The following PABPC4L variants were observed in gnomAD, a reference collection of about 807,000 sequenced individuals.
PABPC4L encodes polyadenylate-binding protein 4-like.
For synonymous variants in PABPC4L, 169 were observed against 164.1 expected (o/e 1.03, Z -0.23); for missense variants, 452 against 451.4 (o/e 1.00, Z -0.01).
chr4:134,147,749 GTGTTGTTGT>G, the PABPC4L span, among the ~76,000 whole-genome samples: 7 of 149,038 alleles, frequency 4.7e-5, no homozygotes, highest in Non-Finnish European at 1.0e-4. Flanking sequence ...GTGTGTGTGT[GTGTTGTTGT>G]TGTTGTTGTT....
chr4:134,182,999 C>T, the PABPC4L span, among the ~76,000 whole-genome samples: 1 of 152,004 alleles, frequency 6.6e-6, no homozygotes, highest in African/African-American at 2.4e-5. Context: ...CACTTATGCA[C>T]TGCTTGTGGG....
At chr4:134,093,000 GT>G in the PABPC4L span, among the ~76,000 whole-genome samples, 1 of 151,776 alleles carries the variant, frequency 6.6e-6, no homozygotes, top group African/African-American at 2.4e-5. Context: ...ATTTTTATAG[GT>G]TTTTGAATCT....
chr4:134,018,347 C>T, the PABPC4L span, among the ~76,000 whole-genome samples: 1 of 152,164 alleles, frequency 6.6e-6, no homozygotes, highest in Non-Finnish European at 1.5e-5. Context: ...CACACAAAGC[C>T]TGTTTGGTGG....
chr4:134,166,359 A>T, the PABPC4L span, among the ~76,000 whole-genome samples: 1 of 152,326 alleles, frequency 6.6e-6, no homozygotes, highest in Admixed American at 6.5e-5. Flanking sequence ...AATACCATAG[A>T]AATAAAAATA....
chr4:134,002,714 A>G, the PABPC4L span, among the ~76,000 whole-genome samples: 1 of 152,034 alleles, frequency 6.6e-6, no homozygotes, highest in Admixed American at 6.6e-5. Flanking sequence ...GGAGTCTTAC[A>G]ATAGCCAGGA....
the PABPC4L span, among the ~76,000 whole-genome samples, chr4:134,166,750 A>G: frequency 2.1e-4 from 32 of 152,334 alleles, no homozygotes; most frequent in East Asian, 4.8e-3. Flanking sequence ...TATTCATTCC[A>G]GAGGATTCTG....
the PABPC4L span, among the ~76,000 whole-genome samples, chr4:134,156,339 G>T: frequency 6.6e-6 from 1 of 151,800 alleles, no homozygotes; most frequent in African/African-American, 2.4e-5. Flanking sequence ...AATTGCATAA[G>T]GGAAAACATT....
chr4:133,958,083 A>T, the PABPC4L span, among the ~76,000 whole-genome samples: 2 of 152,338 alleles, frequency 1.3e-5, no homozygotes, highest in East Asian at 3.9e-4. Flanking sequence ...AGCCTGCTTG[A>T]ATTTCTGCTC....
chr4:134,130,108 A>G, the PABPC4L span, among the ~76,000 whole-genome samples: 2 of 151,670 alleles, frequency 1.3e-5, no homozygotes, highest in Non-Finnish European at 2.9e-5. Context: ...CAAATAGTTA[A>G]TCTAAGGTCA....
At chr4:134,120,655 A>G in the PABPC4L span, among the ~76,000 whole-genome samples, 1 of 151,352 alleles carries the variant, frequency 6.6e-6, no homozygotes, top group Non-Finnish European at 1.5e-5. Flanking sequence ...TAAACATGCT[A>G]TTACATAATC....
chr4:134,059,475 G>T, the PABPC4L span, among the ~76,000 whole-genome samples: 1 of 149,536 alleles, frequency 6.7e-6, no homozygotes, highest in Non-Finnish European at 1.5e-5. Context: ...CACATTATTT[G>T]CAAATACATT....
the PABPC4L span, among the ~76,000 whole-genome samples, chr4:134,105,300 A>G: frequency 4.6e-5 from 7 of 151,818 alleles, no homozygotes; most frequent in Non-Finnish European, 1.0e-4. Context: ...TTTTTAAACA[A>G]AAATAGCCCA....
chr4:134,051,226 A>T, the PABPC4L span, among the ~76,000 whole-genome samples: 1 of 152,174 alleles, frequency 6.6e-6, no homozygotes, highest in Admixed American at 6.5e-5. Context: ...GTCAAAAATG[A>T]CTTCAAAATG....
chr4:134,010,868 T>A, the PABPC4L span, among the ~76,000 whole-genome samples: 70 of 152,258 alleles, frequency 4.6e-4, no homozygotes, highest in East Asian at 0.011. Context: ...AATCACCCAA[T>A]CTCTGTCACA....
At chr4:134,097,907 C>T in the PABPC4L span, among the ~76,000 whole-genome samples, 49 of 151,868 alleles carry the variant, frequency 3.2e-4, no homozygotes, top group African/African-American at 9.9e-4. Context: ...CTTACTCCTG[C>T]GGTTTTGTCA....
the PABPC4L span, among the ~76,000 whole-genome samples, chr4:134,055,390 T>C: frequency 1.7e-3 from 256 of 151,818 alleles, 4 homozygotes; most frequent in Non-Finnish European, 7.4e-5. Context: ...GTCCCTGAAC[T>C]GCACAGAGAA....
At chr4:134,063,406 G>A in the PABPC4L span, among the ~76,000 whole-genome samples, 26,040 of 151,926 alleles carry the variant, frequency 0.17, 2,730 homozygotes, top group East Asian at 0.49. Flanking sequence ...CAACATAAAA[G>A]GCACAGCAAG....
the PABPC4L span, among the ~76,000 whole-genome samples, chr4:134,175,465 T>C: frequency 6.6e-6 from 1 of 152,072 alleles, no homozygotes; most frequent in Non-Finnish European, 1.5e-5. Context: ...ATTAATTAAT[T>C]TGAGACAGGG....
At chr4:134,082,681 G>C in the PABPC4L span, among the ~76,000 whole-genome samples, 1 of 151,974 alleles carries the variant, frequency 6.6e-6, no homozygotes, top group Non-Finnish European at 1.5e-5. Context: ...GTACTTCTCA[G>C]TGTATTCTGA....
Sources: gnomAD v4.1 joint callset for allele counts (sites outside exome capture counted in the v4.1 genomes callset) on GRCh38, gnomAD v4.1.1 for gene constraint, MANE v1.5 for transcripts, NCBI Gene and HGNC (gene_info 2026-07-23, HGNC 2026-07-21) for gene names.